Variants in CSMD1 observed in about 807,000 individuals in gnomAD.
CSMD1 encodes CUB and Sushi multiple domains 1.
In CSMD1, 213 loss-of-function variants were observed where a neutral mutation model predicts 417.5. The observed-to-expected ratio is 0.51, with a 90% CI of 0.46 to 0.57. The LOEUF is 0.57. CSMD1 is among the 20% of genes least tolerant of loss of function. CSMD1 has a pLI of 0.00. For missense variants in CSMD1, 6,923 were observed against 4,529.7 expected, an observed-to-expected ratio of 1.53 and a Z score of -15.17; for synonymous variants, 2,862 against 1,736.8, an observed-to-expected ratio of 1.65 and a Z score of -16.11.
chr8:4,393,202 C>G (rs1019626054), intron 3 of CSMD1, among the ~76,000 whole-genome samples: 3 of 152,080 alleles, frequency 2.0e-5, no homozygotes, highest in African/African-American at 7.2e-5. Context: ...TCTCAAACTC[C>G]TCAGCTAAAT....
chr8:4,148,999 T>G (rs1796430226), intron 3 of CSMD1, among the ~76,000 whole-genome samples: 2 of 151,920 alleles, frequency 1.3e-5, no homozygotes, highest in Non-Finnish European at 2.9e-5. Flanking sequence ...GTTTCACTCT[T>G]GTTGCCCAGG....
At chr8:3,523,000 C>CAT (rs563324092) in intron 10 of CSMD1, among the ~76,000 whole-genome samples, 89 of 126,398 alleles carry the variant, frequency 7.0e-4, no homozygotes, top group African/African-American at 2.4e-3. Context: ...AATGGAGATA[C>CAT]ATATATACAC....
intron 3 of CSMD1, among the ~76,000 whole-genome samples, chr8:4,147,574 G>A (rs890673675): frequency 6.6e-6 from 1 of 152,154 alleles, no homozygotes. Flanking sequence ...TCTGGATAAT[G>A]ATAATGACCC....
intron 3 of CSMD1, among the ~76,000 whole-genome samples, chr8:4,048,063 A>T (rs1003875769): frequency 6.6e-5 from 10 of 152,120 alleles, no homozygotes; most frequent in Admixed American, 1.3e-4. Context: ...TTCTTTTCCA[A>T]ATATTTTGTG....
At chr8:4,702,988 A>G (rs866299449) in intron 1 of CSMD1, among the ~76,000 whole-genome samples, 11 of 152,214 alleles carry the variant, frequency 7.2e-5, no homozygotes, top group Admixed American at 2.6e-4. Flanking sequence ...CTCTCAAAAA[A>G]GAATGATTAT....
intron 1 of CSMD1, among the ~76,000 whole-genome samples, chr8:4,977,275 A>C (rs1178412095): frequency 6.6e-6 from 1 of 152,186 alleles, no homozygotes; most frequent in Non-Finnish European, 1.5e-5. Context: ...GTAAGACTGA[A>C]CTTAACATTC....
At chr8:4,569,324 G>T (rs886231636) in intron 2 of CSMD1, among the ~76,000 whole-genome samples, 1 of 152,108 alleles carries the variant, frequency 6.6e-6, no homozygotes, top group African/African-American at 2.4e-5. Context: ...TTTTGTATAA[G>T]GTGTAACGAA....
At chr8:4,385,918 C>T (rs143349002) in intron 3 of CSMD1, among the ~76,000 whole-genome samples, 1 of 152,266 alleles carries the variant, frequency 6.6e-6, no homozygotes, top group East Asian at 1.9e-4. Flanking sequence ...TCCAGGAATT[C>T]CAGAGTTTCT....
chr8:4,106,019 C>A (rs1465116028), intron 3 of CSMD1, among the ~76,000 whole-genome samples: 1 of 152,194 alleles, frequency 6.6e-6, no homozygotes, highest in South Asian at 2.1e-4. Context: ...GGGTGTGCCA[C>A]CATCTCCACT....
chr8:4,102,077 C>T (rs1270407728), intron 3 of CSMD1, among the ~76,000 whole-genome samples: 1 of 152,162 alleles, frequency 6.6e-6, no homozygotes, highest in Non-Finnish European at 1.5e-5. Context: ...TTTACCTGCG[C>T]TGCACTAATT....
At chr8:4,923,143 A>C (rs1464015282) in intron 1 of CSMD1, among the ~76,000 whole-genome samples, 1 of 152,170 alleles carries the variant, frequency 6.6e-6, no homozygotes. Flanking sequence ...AATATTTTTA[A>C]AATATATAAT....
At chr8:3,228,147 G>C (rs986125276) in intron 27 of CSMD1, among the ~76,000 whole-genome samples, 1 of 151,956 alleles carries the variant, frequency 6.6e-6, no homozygotes, top group Non-Finnish European at 1.5e-5. Flanking sequence ...ATTGTCTCCA[G>C]GTAAAAAGAT....
At chr8:4,004,678 G>C (rs1170296152) in intron 4 of CSMD1, among the ~76,000 whole-genome samples, 2 of 152,014 alleles carry the variant, frequency 1.3e-5, no homozygotes, top group African/African-American at 4.8e-5. Flanking sequence ...TTCTTAAAAA[G>C]ATTCAGCTGG....
intron 2 of CSMD1, among the ~76,000 whole-genome samples, chr8:4,550,360 CAA>C (rs1491508591): frequency 1.0e-4 from 15 of 146,546 alleles, no homozygotes; most frequent in Non-Finnish European, 2.0e-4. Flanking sequence ...CACACACACA[CAA>C]ACCCGGTCCC....
intron 50 of CSMD1, among the ~76,000 whole-genome samples, chr8:3,051,866 T>G (rs1397512106): frequency 6.6e-6 from 1 of 152,196 alleles, no homozygotes; most frequent in African/African-American, 2.4e-5. Context: ...AGACTATTAT[T>G]CCATAAGACT....
intron 1 of CSMD1, among the ~76,000 whole-genome samples, chr8:4,922,754 G>C (rs1045147514): frequency 5.3e-5 from 8 of 152,078 alleles, no homozygotes; most frequent in African/African-American, 1.9e-4. Flanking sequence ...ATTGCCAGAG[G>C]TGTAAAGAAG....
rs1367655639 is a variant in CSMD1 at position 4,419,984 on chromosome 8, C to T, written c.384G>A (p.Val128=). ...LTLWFTTDFA[V]SAQGFKALYE... ...ATAATGCTTTGAAACCTTGGGCACTCACAGCGAAGTCTGTCGTGAACCACA... is the reference window on the plus strand; with the variant it reads ...ATAATGCTTTGAAACCTTGGGCACTTACAGCGAAGTCTGTCGTGAACCACA... Residue 128 remains valine, a synonymous_variant, in exon 3 of 70, where the codon GTG becomes GTA. Transcript: ENST00000635120. 31 of 1,587,202 alleles carry T rather than the reference C, an allele frequency of 2.0e-5. No individual in the cohort carries two copies. In the Admixed American group the frequency reaches 5.3e-4, roughly 27 times the overall value.
chr8:4,643,784 G>A (rs906277269), intron 1 of CSMD1, among the ~76,000 whole-genome samples: 3 of 152,168 alleles, frequency 2.0e-5, no homozygotes, highest in Non-Finnish European at 2.9e-5. Context: ...GCATTATGGG[G>A]AAAATAATTA....
chr8:4,575,382 G>T (rs1174732309), intron 2 of CSMD1, among the ~76,000 whole-genome samples: 1 of 152,172 alleles, frequency 6.6e-6, no homozygotes, highest in East Asian at 1.9e-4. Flanking sequence ...AAGGAAGCTG[G>T]ATTTTAGAAA....
Sources: allele counts gnomAD v4.1 joint callset (sites outside exome capture counted in the v4.1 genomes callset), GRCh38; gene constraint gnomAD v4.1.1; transcripts MANE v1.5; gene names NCBI Gene and HGNC (gene_info 2026-07-23, HGNC 2026-07-21).